The following COPG1 variants were observed in gnomAD, a reference collection of about 807,000 sequenced individuals.
COPG1 encodes the protein coatomer subunit gamma-1.
In COPG1, 29 loss-of-function variants were observed where a neutral mutation model predicts 102.8. That is an observed-to-expected ratio of 0.28 (90% CI 0.21 to 0.38). The LOEUF is 0.38. Ranked by LOEUF, COPG1 falls within the 10% of genes least tolerant of loss-of-function variation. The pLI, the probability that COPG1 is intolerant of heterozygous loss-of-function variation, is 1.00. For missense variants in COPG1, 875 were observed against 1,132.7 expected (o/e 0.77, Z 3.27); for synonymous variants, 406 against 421.6 (o/e 0.96, Z 0.45).
intron 8 of COPG1, 47 bp from the exon 9 acceptor site, chr3:129,257,423 C>G (rs775210643): frequency 6.2e-7 from 1 of 1,604,996 alleles, no homozygotes; most frequent in South Asian, 1.1e-5. Context: ...AGCCAGTATA[C>G]CCAAAAGTCA....
intron 2 of COPG1, among the ~76,000 whole-genome samples, chr3:129,251,868 A>G (rs1345003930): frequency 6.7e-6 from 1 of 149,154 alleles, no homozygotes; most frequent in Non-Finnish European, 1.5e-5. Flanking sequence ...TTGTATTTTT[A>G]GTACAGACGG....
intron 14 of COPG1, among the ~76,000 whole-genome samples, chr3:129,266,058 G>A (rs201576138): frequency 6.6e-6 from 1 of 151,596 alleles, no homozygotes; most frequent in Non-Finnish European, 1.5e-5. Flanking sequence ...TGCAACCTCC[G>A]CCTCCCGGGT....
At chr3:129,258,369 G>A (rs929546936) in intron 10 of COPG1, among the ~76,000 whole-genome samples, 10 of 152,254 alleles carry the variant, frequency 6.6e-5, no homozygotes, top group African/African-American at 2.4e-4. Context: ...GATAGATCAT[G>A]CCTATTACAT....
intron 15 of COPG1, among the ~76,000 whole-genome samples, chr3:129,267,717 A>G (rs1056104297): frequency 8.5e-5 from 13 of 152,208 alleles, no homozygotes; most frequent in Admixed American, 5.9e-4. Context: ...TCACAGAGTG[A>G]TGGAACCATC....
intron 10 of COPG1, among the ~76,000 whole-genome samples, chr3:129,258,813 C>T (rs1939865876): frequency 6.6e-6 from 1 of 152,148 alleles, no homozygotes; most frequent in Non-Finnish European, 1.5e-5. Flanking sequence ...TCTTTGGTGT[C>T]TCCTCTGTGC....
chr3:129,252,061 AG>A (rs1184803523), intron 2 of COPG1, among the ~76,000 whole-genome samples: 4 of 152,230 alleles, frequency 2.6e-5, no homozygotes, highest in African/African-American at 9.6e-5. Context: ...GCTAGTCAAT[AG>A]GTTAGCACAT....
intron 5 of COPG1, among the ~76,000 whole-genome samples, chr3:129,253,271 G>A (rs1184451429): frequency 1.3e-5 from 2 of 152,174 alleles, no homozygotes; most frequent in Non-Finnish European, 1.5e-5. Flanking sequence ...GAGTACAAGC[G>A]GTATACTGCT....
intron 12 of COPG1, among the ~76,000 whole-genome samples, chr3:129,263,099 G>A (rs567377864): frequency 1.3e-5 from 2 of 152,078 alleles, no homozygotes; most frequent in African/African-American, 4.8e-5. Flanking sequence ...AATTCAGAAG[G>A]AGAGGATGGT....
At chr3:129,254,526 T>G in intron 5 of COPG1, 142 bp from the exon 6 acceptor site, 1 of 584,028 alleles carries the variant, frequency 1.7e-6, no homozygotes, top group South Asian at 2.2e-5. Context: ...CTGTGTGGAG[T>G]TAGGCTTGGA....
chr3:129,273,558 AT>A (rs1312305591), intron 21 of COPG1, among the ~76,000 whole-genome samples: 2 of 152,114 alleles, frequency 1.3e-5, no homozygotes, highest in Admixed American at 6.6e-5. Context: ...CATAAACACA[AT>A]TTTTTTAGTG....
chr3:129,262,474 C>T (rs1258914276), intron 12 of COPG1, among the ~76,000 whole-genome samples: 2 of 151,940 alleles, frequency 1.3e-5, no homozygotes, highest in South Asian at 2.1e-4. Context: ...AGGATGGTCT[C>T]GATCTCCTGA....
intron 20 of COPG1, 61 bp downstream of exon 20, chr3:129,272,476 G>A (rs563133222): frequency 1.6e-5 from 22 of 1,413,260 alleles, no homozygotes; most frequent in Non-Finnish European, 2.1e-5. Flanking sequence ...AGGAGGAGGT[G>A]GGCGGCTGGG....
intron 13 of COPG1, 106 bp from the exon 14 acceptor site, chr3:129,265,443 C>G: frequency 7.1e-7 from 1 of 1,409,560 alleles, no homozygotes; most frequent in Non-Finnish European, 9.6e-7. Flanking sequence ...ACCAAGTGCC[C>G]TGTCTCCAAG....
chr3:129,255,046 G>T lies in COPG1; in HGVS notation c.461G>T (p.Ser154Ile), dbSNP rs757869948. 8 of 1,614,168 alleles carry T rather than the reference G, an allele frequency of 5.0e-6. No homozygotes were observed. Among genetic ancestry groups the T allele is most frequent in the Middle Eastern group, 3.3e-4 (2 of 6,062 alleles). Residue 154 changes from serine to isoleucine, a missense_variant, in exon 7 of 24, where the codon AGT becomes ATT. By Grantham distance (142) the Ser-to-Ile change is moderately radical. Transcript: ENST00000314797. ...MKQAIVDKVPSVSSSALVSSL... is the reference protein window; with the variant it reads ...MKQAIVDKVPIVSSSALVSSL... Reference sequence around the variant, plus strand: ...CAAGCCATTGTGGACAAGGTGCCCAGTGTCTCCAGCTCTGCCCTCGTGTCT... The same window carrying T: ...CAAGCCATTGTGGACAAGGTGCCCATTGTCTCCAGCTCTGCCCTCGTGTCT...
At chr3:129,263,788 T>G in intron 12 of COPG1, 116 bp from the exon 13 acceptor site, 1 of 824,618 alleles carries the variant, frequency 1.2e-6, no homozygotes, top group East Asian at 2.6e-5. Flanking sequence ...TCCTTGCCCT[T>G]GTGTCATGCC....
chr3:129,274,161 C>G (rs562362603), intron 21 of COPG1: 275 of 450,622 alleles, frequency 6.1e-4, no homozygotes, highest in African/African-American at 5.0e-3. Context: ...AGAGCTGGGT[C>G]TGTTTGAGCC....
At chr3:129,260,923 C>A in intron 12 of COPG1, 116 bp downstream of exon 12, 1 of 1,083,234 alleles carries the variant, frequency 9.2e-7, no homozygotes, top group Non-Finnish European at 1.3e-6. Flanking sequence ...GCCTTGAGGA[C>A]TCAGAGGAGG....
Position 129,271,935 on chromosome 3 carries a change from C to G in COPG1, c.1986+26C>G, listed in dbSNP as rs1940188552. 2.5e-6 allele frequency: 4 copies of G among 1,611,108 alleles called. No homozygotes were observed. Among genetic ancestry groups the G allele is most frequent in the Non-Finnish European group, 3.4e-6 (4 of 1,178,488 alleles). On this transcript the variant is annotated intron_variant, in intron 19 of 23. Coordinates refer to ENST00000314797, the MANE Select transcript of COPG1 (RefSeq NM_016128.4). The surrounding 1 kb of genome is among the most constrained non-coding windows in gnomAD (Gnocchi z 4.7). ...GTGAGCAAGGTGGGCTGAGGCCCTG[C>G]TGGGGCATGCGCCCAGGGAGTTGTC...
At chr3:129,266,279 T>C (rs1940058458) in intron 14 of COPG1, among the ~76,000 whole-genome samples, 1 of 152,016 alleles carries the variant, frequency 6.6e-6, no homozygotes, top group Non-Finnish European at 1.5e-5. Context: ...CCATGGTTCT[T>C]AACCCCTATA....
Sources: gnomAD v4.1 joint callset for allele counts (sites outside exome capture counted in the v4.1 genomes callset) on GRCh38, gnomAD v4.1.1 for gene constraint, Gnocchi (gnomAD v3.1) non-coding constraint, MANE v1.5 for transcripts, NCBI Gene and HGNC (gene_info 2026-07-23, HGNC 2026-07-21) for gene names.